The following MTARC2 variants were observed in gnomAD, a reference collection of about 807,000 sequenced individuals.
The protein encoded by MTARC2 is MOCO sulphurase C-terminal domain containing 2.
In MTARC2, 27 loss-of-function variants were observed where a neutral mutation model predicts 35.6. The ratio of observed to expected loss-of-function variants is 0.76; its 90% CI spans 0.56 to 1.04. The LOEUF (loss-of-function observed/expected upper bound fraction) is 1.04, where lower values mean the gene tolerates loss of function less well. Ranked by LOEUF, MTARC2 falls within the 50% of genes least tolerant of loss-of-function variation. The pLI, the probability that MTARC2 is intolerant of heterozygous loss-of-function variation, is 0.00. For missense variants in MTARC2, 412 were observed against 432.5 expected (o/e 0.95, Z 0.42); for synonymous variants, 158 against 167.1 (o/e 0.95, Z 0.42).
At chr1:220,782,225 T>A (rs536460810) in intron 7 of MTARC2, among the ~76,000 whole-genome samples, 1 of 152,164 alleles carries the variant, frequency 6.6e-6, no homozygotes, top group African/African-American at 2.4e-5. Context: ...CATTAAGGAA[T>A]AGGGAAATGA....
intron 4 of MTARC2, among the ~76,000 whole-genome samples, chr1:220,766,229 T>G (rs1671574133): frequency 6.6e-6 from 1 of 152,148 alleles, no homozygotes; most frequent in Admixed American, 6.5e-5. Context: ...AAAAATAAAA[T>G]TATTGACAAA....
chr1:220,782,734 C>T (rs1982894), intron 7 of MTARC2, among the ~76,000 whole-genome samples: 2,469 of 152,310 alleles, frequency 0.016, 44 homozygotes, highest in East Asian at 0.056. Flanking sequence ...CAGTGTAACA[C>T]AGTGGCTTAG....
At position 220,763,005 on chromosome 1, in the gene MTARC2, T is replaced by C; in HGVS notation, c.705T>C (p.Asn235=). ...TRMEKKMKME[N]FRPNIVVTGC... Reference sequence around the variant, plus strand: ...TGGAGAAGAAAATGAAAATGGAGAATTTCAGGCCAAATATTGTGGTGACCG... The same window carrying C: ...TGGAGAAGAAAATGAAAATGGAGAACTTCAGGCCAAATATTGTGGTGACCG... Residue 235 remains asparagine (N), a synonymous_variant, in exon 4 of 8, where the codon AAT becomes AAC. Coordinates refer to ENST00000366913, the MANE Select transcript of MTARC2 (RefSeq NM_017898.5). 1 of 1,614,128 alleles carries C rather than the reference T, an allele frequency of 6.2e-7. No homozygotes were observed. The highest frequency in any genetic ancestry group is 8.5e-7 in the Non-Finnish European group (1 of 1,180,026).
chr1:220,761,434 A>G (rs973883884), intron 2 of MTARC2, among the ~76,000 whole-genome samples: 2 of 152,242 alleles, frequency 1.3e-5, no homozygotes, highest in African/African-American at 4.8e-5. Context: ...TCTGCATTCA[A>G]ACAAGATCCT....
intron 6 of MTARC2, among the ~76,000 whole-genome samples, chr1:220,781,167 A>G (rs1302643190): frequency 6.6e-6 from 1 of 152,106 alleles, no homozygotes; most frequent in Middle Eastern, 3.2e-3. Flanking sequence ...AAAAGAGGTT[A>G]TTTCATGATG....
At chr1:220,782,036 G>T in intron 7 of MTARC2, 104 bp downstream of exon 7, 1 of 1,023,150 alleles carries the variant, frequency 9.8e-7, no homozygotes, top group Non-Finnish European at 1.4e-6. Flanking sequence ...TTGAGAGAAT[G>T]AACAGTTTTA....
intron 2 of MTARC2, among the ~76,000 whole-genome samples, chr1:220,761,124 T>C (rs1181157893): frequency 2.6e-5 from 4 of 152,212 alleles, no homozygotes; most frequent in African/African-American, 9.6e-5. Flanking sequence ...TTATCTAAAG[T>C]TATCTGTTCC....
intron 6 of MTARC2, among the ~76,000 whole-genome samples, chr1:220,781,031 A>ATTTTG: frequency 1.5e-5 from 2 of 129,710 alleles, no homozygotes; most frequent in East Asian, 5.7e-4. Flanking sequence ...TTGTTATTTA[A>ATTTTG]AGAAGTTTGG....
At position 220,766,646 on chromosome 1, in the gene MTARC2, G is replaced by A. The variant is rs114589975; in HGVS notation, c.750+3596G>A. Among the ~76,000 whole-genome samples, 1,151 of 152,120 alleles carry A rather than the reference G, an allele frequency of 7.6e-3. 22 individuals are homozygous for A. Among genetic ancestry groups the A allele is most frequent in the African/African-American group, 0.027 (1,109 of 41,490 alleles). The stretch of plus-strand genomic sequence containing the variant: ...TATTAATTTTAGTTTAAAATCCTGA[G>A]CCAAGGAAATAAGAAAAAAGACACT... On this transcript the variant is annotated intron_variant, in intron 4 of 7. Coordinates refer to ENST00000366913, the MANE Select transcript of MTARC2 (RefSeq NM_017898.5).
At chr1:220,768,930 CG>C (rs1378402535) in intron 4 of MTARC2, among the ~76,000 whole-genome samples, 1 of 152,022 alleles carries the variant, frequency 6.6e-6, no homozygotes, top group Non-Finnish European at 1.5e-5. Context: ...TTCTGACATG[CG>C]TATATTTTTA....
In MTARC2 at chr1:220,781,909, T is replaced by A; in HGVS notation, c.*8T>A. 1 of 1,613,624 alleles carries A rather than the reference T, an allele frequency of 6.2e-7. No homozygotes were observed. On this transcript the variant is annotated 3_prime_UTR_variant, in exon 7 of 8. Coordinates refer to ENST00000366913, the MANE Select transcript of MTARC2 (RefSeq NM_017898.5). ...GTGTATCGGATGGTGTAGTGATGAG[T>A]GATGGATCCACTAGGGTGATATGGT...
At chr1:220,776,055 G>A (rs1671902909) in intron 4 of MTARC2, among the ~76,000 whole-genome samples, 1 of 152,208 alleles carries the variant, frequency 6.6e-6, no homozygotes, top group South Asian at 2.1e-4. Context: ...TAATGGGATT[G>A]CTAGGTTGAA....
chr1:220,749,805 T>C (rs184304269), intron 1 of MTARC2, among the ~76,000 whole-genome samples: 312 of 152,236 alleles, frequency 2.0e-3, no homozygotes, highest in African/African-American at 7.2e-3. Context: ...TGCAAGTTGA[T>C]CATTCAAGGA....
At position 220,748,811 on chromosome 1, in the gene MTARC2, ACAGCGCGGGCGCGGGG is replaced by A. The variant is rs1558060773; in HGVS notation, c.272+17_272+32del. 3 of 1,576,008 alleles carry A rather than the reference ACAGCGCGGGCGCGGGG, an allele frequency of 1.9e-6. No individual in the cohort carries two copies. In the Admixed American group the frequency reaches 5.5e-5, roughly 29 times the overall value. Reference sequence around the variant, plus strand: ...CGGCAACCTGCGGGACAGGTACAGCACAGCGCGGGCGCGGGGCAGCGCGGAGCCTGCCTGGGATGAG... The same window carrying A: ...CGGCAACCTGCGGGACAGGTACAGCACAGCGCGGAGCCTGCCTGGGATGAG... On this transcript the variant is annotated intron_variant, in intron 1 of 7. Coordinates refer to ENST00000366913, the MANE Select transcript of MTARC2 (RefSeq NM_017898.5).
At chr1:220,748,895 A>C in intron 1 of MTARC2, 92 bp downstream of exon 1, 1 of 1,374,192 alleles carries the variant, frequency 7.3e-7, no homozygotes, top group Non-Finnish European at 9.4e-7. Flanking sequence ...GGGAAGGACT[A>C]TAGAGGTTTG....
chr1:220,755,003 G>A lies in MTARC2; in HGVS notation c.329G>A (p.Arg110His), dbSNP rs769012478. ...ATGGTCACTGCCCGACAGGAGCCTC[G>A]CCTCGTGCTCATCTCCATCATTTAT... is the stretch of plus-strand genomic sequence containing the variant. ...GHMVTARQEPRLVLISIIYEN... is the reference protein window; with the variant it reads ...GHMVTARQEPHLVLISIIYEN... Residue 110 changes from arginine to histidine, a missense_variant, in exon 2 of 8, where the codon CGC becomes CAC. Physicochemically the swap from Arg to His is conservative, Grantham distance 29. Coordinates refer to ENST00000366913, the MANE Select transcript of MTARC2 (RefSeq NM_017898.5). The A allele has an allele frequency of 1.5e-5, 24 of 1,612,412 alleles. No homozygotes were observed. The highest frequency in any genetic ancestry group is 1.1e-4 in the East Asian group (5 of 44,756).
intron 1 of MTARC2, among the ~76,000 whole-genome samples, chr1:220,754,640 C>A (rs1404669802): frequency 6.6e-6 from 1 of 152,166 alleles, no homozygotes; most frequent in Non-Finnish European, 1.5e-5. Context: ...CCCAGACAAG[C>A]AGCAGGGTTG....
intron 2 of MTARC2, among the ~76,000 whole-genome samples, chr1:220,759,483 G>GCCTTCCATCA (rs1671380609): frequency 8.7e-6 from 1 of 115,212 alleles, no homozygotes; most frequent in Non-Finnish European, 2.0e-5. Context: ...GTGGAGGGAT[G>GCCTTCCATCA]CCTTCCATCG....
chr1:220,782,289 T>G (rs573791175), intron 7 of MTARC2, among the ~76,000 whole-genome samples: 9 of 152,362 alleles, frequency 5.9e-5, no homozygotes, highest in African/African-American at 2.2e-4. Flanking sequence ...ATTTATTTTT[T>G]CTGTCTCAGA....
Sources: gnomAD v4.1 joint callset for allele counts (sites outside exome capture counted in the v4.1 genomes callset) on GRCh38, gnomAD v4.1.1 for gene constraint, MANE v1.5 for transcripts, NCBI Gene and HGNC (gene_info 2026-07-23, HGNC 2026-07-21) for gene names.